The following FBXW11 variants were observed in gnomAD, a reference collection of about 807,000 sequenced individuals.
The protein encoded by FBXW11 is F-box and WD repeat domain containing 11.
A neutral mutation model predicts 77.6 loss-of-function variants in FBXW11; 19 were observed. That is an observed-to-expected ratio of 0.24 (90% CI 0.17 to 0.36). FBXW11 has a LOEUF of 0.36. FBXW11 is among the 10% of genes least tolerant of loss of function. FBXW11 has a pLI of 1.00. For synonymous variants in FBXW11, 235 were observed against 249.4 expected (o/e 0.94, Z 0.54); for missense variants, 334 against 704.2 (o/e 0.47, Z 5.95).
chr5:171,929,474 AAAAG>A (rs1270856791), intron 2 of FBXW11, among the ~76,000 whole-genome samples: 3 of 152,252 alleles, frequency 2.0e-5, no homozygotes, highest in African/African-American at 7.2e-5. Flanking sequence ...CAGAGCAAGA[AAAAG>A]AAATAAAAAC....
chr5:172,001,194 C>A (rs1304021525), intron 1 of FBXW11, among the ~76,000 whole-genome samples: 1 of 152,050 alleles, frequency 6.6e-6, no homozygotes, highest in East Asian at 1.9e-4. Context: ...GAAAGAAAAT[C>A]TAACATTAAT....
chr5:171,986,661 G>A (rs1765460221), intron 1 of FBXW11, among the ~76,000 whole-genome samples: 1 of 151,398 alleles, frequency 6.6e-6, no homozygotes, highest in Admixed American at 6.6e-5. Context: ...TAGGAAGTAA[G>A]GGTTGCAGTG....
intron 2 of FBXW11, among the ~76,000 whole-genome samples, chr5:171,927,276 T>C (rs958999915): frequency 1.3e-5 from 2 of 152,250 alleles, no homozygotes; most frequent in Admixed American, 6.5e-5. Context: ...GGACTACATA[T>C]GTGGATTAGT....
At chr5:171,920,518 G>A (rs1761533727) in intron 2 of FBXW11, among the ~76,000 whole-genome samples, 1 of 151,628 alleles carries the variant, frequency 6.6e-6, no homozygotes, top group Non-Finnish European at 1.5e-5. Context: ...CTGAGGCGAG[G>A]AGTTTGAGAC....
chr5:171,990,759 G>C (rs1581086576), intron 1 of FBXW11, among the ~76,000 whole-genome samples: 1 of 152,160 alleles, frequency 6.6e-6, no homozygotes, highest in Non-Finnish European at 1.5e-5. Context: ...ATACACGTAT[G>C]TATAGAAAGG....
intron 3 of FBXW11, among the ~76,000 whole-genome samples, chr5:171,911,010 T>C (rs938270870): frequency 2.6e-5 from 4 of 151,260 alleles, no homozygotes; most frequent in African/African-American, 9.7e-5. Flanking sequence ...GCCAAAATTG[T>C]AGCTATTTCT....
intron 2 of FBXW11, among the ~76,000 whole-genome samples, chr5:171,921,474 A>G (rs903634337): frequency 1.3e-5 from 2 of 152,224 alleles, no homozygotes; most frequent in African/African-American, 4.8e-5. Flanking sequence ...TTCCACACAG[A>G]AAAATGTGTC....
intron 1 of FBXW11, among the ~76,000 whole-genome samples, chr5:171,971,032 C>T (rs1378781747): frequency 2.0e-5 from 3 of 152,138 alleles, no homozygotes; most frequent in Non-Finnish European, 4.4e-5. Context: ...GGAGTTCTCA[C>T]GACTTGAAGC....
intron 2 of FBXW11, among the ~76,000 whole-genome samples, chr5:171,922,045 T>C (rs1675070331): frequency 9.7e-6 from 1 of 103,530 alleles, no homozygotes; most frequent in Admixed American, 1.2e-4. Context: ...CAACAGTACA[T>C]AAAGGGGAAA....
chr5:171,895,730 G>GAA (rs1235987085), intron 6 of FBXW11, among the ~76,000 whole-genome samples: 1 of 152,220 alleles, frequency 6.6e-6, no homozygotes, highest in African/African-American at 2.4e-5. Context: ...TTTGAAGTAA[G>GAA]AATCTCAGCT....
intron 2 of FBXW11, among the ~76,000 whole-genome samples, chr5:171,941,805 G>A (rs1188901238): frequency 2.7e-5 from 4 of 150,104 alleles, no homozygotes; most frequent in African/African-American, 4.9e-5. Flanking sequence ...AGGAATAAAG[G>A]TGCTAAAAAT....
At position 171,914,355 on chromosome 5, in the gene FBXW11, A is replaced by G. The variant is rs752813901; in HGVS notation, c.198T>C (p.Asn66=). 1.2e-6 allele frequency: 2 copies of G among 1,605,384 alleles called. No homozygotes were observed. Among genetic ancestry groups the G allele is most frequent in the East Asian group, 2.2e-5 (1 of 44,646 alleles). ...DQNEDESPKK[N]TLWQISNGTS... Reference sequence around the variant, plus strand: ...CCGTCATTCCTACCTGCCAAAGAGTATTTTTCTTTGGGGACTCATCTTCAT... The same window carrying G: ...CCGTCATTCCTACCTGCCAAAGAGTGTTTTTCTTTGGGGACTCATCTTCAT... Residue 66 remains asparagine (N), a synonymous_variant, in exon 3 of 14, where the codon AAT becomes AAC. Transcript: ENST00000517395.
chr5:171,936,747 G>C (rs1762503729), intron 2 of FBXW11, among the ~76,000 whole-genome samples: 1 of 152,078 alleles, frequency 6.6e-6, no homozygotes, highest in African/African-American at 2.4e-5. Flanking sequence ...AGGCAGGCAG[G>C]TCTTACAGGA....
Position 171,872,979 on chromosome 5 carries a change from C to T in FBXW11, c.1233G>A (p.Thr411=), listed in dbSNP as rs1363565704. The change falls in exon 10 of 14, where the codon ACG becomes ACA. Residue 411 remains threonine (T), a synonymous_variant. Transcript: ENST00000517395. ...SGDRTIKVWS[T]STCEFVRTLN... ...GAGTACGAACAAATTCACAGGTGCT[C>T]GTGCTCCAGACCTGTATAACAAATT... The T allele has an allele frequency of 2.5e-6, 4 of 1,613,288 alleles. No homozygotes were observed. Among genetic ancestry groups the T allele is most frequent in the Admixed American group, 1.7e-5 (1 of 59,934 alleles).
At chr5:171,946,224 CA>C (rs1763000056) in intron 2 of FBXW11, among the ~76,000 whole-genome samples, 1 of 152,190 alleles carries the variant, frequency 6.6e-6, no homozygotes, top group Non-Finnish European at 1.5e-5. Context: ...CCCCCATGGT[CA>C]TGTGAGTCAG....
intron 4 of FBXW11, among the ~76,000 whole-genome samples, chr5:171,909,509 C>T (rs1000645435): frequency 3.9e-5 from 6 of 152,134 alleles, no homozygotes; most frequent in African/African-American, 1.4e-4. Context: ...AGCTTAGGTT[C>T]ATGAATTGTA....
intron 1 of FBXW11, among the ~76,000 whole-genome samples, chr5:171,981,241 A>G (rs971852934): frequency 1.3e-5 from 2 of 152,132 alleles, no homozygotes; most frequent in Non-Finnish European, 2.9e-5. Flanking sequence ...AACTTCACAG[A>G]GACAGAAGCT....
rs1478087632 is a variant in FBXW11 at position 171,869,219 on chromosome 5, T to A, written c.1531-423A>T. Among the ~76,000 whole-genome samples, 2 of 152,186 alleles carry A rather than the reference T, an allele frequency of 1.3e-5. No homozygotes were observed. The highest frequency in any genetic ancestry group is 2.9e-5 in the Non-Finnish European group (2 of 68,040). On this transcript the variant is annotated intron_variant, in intron 12 of 13. Coordinates refer to ENST00000517395, the MANE Select transcript of FBXW11 (RefSeq NM_001378974.1). The surrounding 1 kb of genome is among the most constrained non-coding windows in gnomAD (Gnocchi z 4.1). ...TGAAATAATAATATAAGAGTTCCCA[T>A]TAAAATCAAGAAGACAGTTCTGCAT...
intron 13 of FBXW11, among the ~76,000 whole-genome samples, chr5:171,867,361 AATTTC>A (rs1757465352): frequency 6.6e-6 from 1 of 152,184 alleles, no homozygotes; most frequent in African/African-American, 2.4e-5. Context: ...CTGCAATTTA[AATTTC>A]ATTTAATTAC....
Sources: allele counts gnomAD v4.1 joint callset (sites outside exome capture counted in the v4.1 genomes callset), GRCh38; gene constraint gnomAD v4.1.1; non-coding constraint Gnocchi (gnomAD v3.1); transcripts MANE v1.5; gene names NCBI Gene and HGNC (gene_info 2026-07-23, HGNC 2026-07-21).